Variants in SLC44A4 observed in about 807,000 individuals in gnomAD.
SLC44A4 encodes solute carrier family 44 member 4.
A neutral mutation model predicts 97.0 loss-of-function variants in SLC44A4; 74 were observed. That is an observed-to-expected ratio of 0.76 (90% CI 0.63 to 0.93). The LOEUF (loss-of-function observed/expected upper bound fraction) is 0.93, where lower values mean the gene tolerates loss of function less well. Among genes scored for constraint, SLC44A4 ranks in the 40% least tolerant of loss-of-function variants. SLC44A4 has a pLI of 0.00. For missense variants in SLC44A4, 799 were observed against 902.9 expected (o/e 0.88, Z 1.48); for synonymous variants, 325 against 363.8 (o/e 0.89, Z 1.21).
rs1763573117 is a variant in SLC44A4, at chr6:31,878,437, C to T, written c.40+504G>A. On this transcript the variant is annotated intron_variant, in intron 1 of 20. Transcript: ENST00000229729. The surrounding 1 kb of genome is among the most constrained non-coding windows in gnomAD (Gnocchi z 4.0). Reference sequence around the variant, plus strand: ...GGCCAGCCCACTCAGGGTCCCCTCACTCCTCAAGGGAGCCGGCAGACCACA... The same window carrying T: ...GGCCAGCCCACTCAGGGTCCCCTCATTCCTCAAGGGAGCCGGCAGACCACA... Among the ~76,000 whole-genome samples, 1 of 152,064 alleles carries T rather than the reference C, an allele frequency of 6.6e-6. No homozygotes were observed. The highest frequency in any genetic ancestry group is 1.5e-5 in the Non-Finnish European group (1 of 67,974).
rs192028929 is a variant in SLC44A4 at position 31,876,200 on chromosome 6, T to C, written c.90-71A>G. 6.2e-4 allele frequency: 805 copies of C among 1,294,664 alleles called. 3 individuals carry two copies. The African/African-American group carries it at 9.6e-3, about 15-fold the overall frequency. 80.2% of individuals were successfully genotyped at this position (1,294,664 alleles called of 1,614,324 possible). ...AGGTAGGGCTTATGGTCTGGAGGGG[T>C]TAAGGGTTAGAGAGTTGGGTGATGC... On this transcript the variant is annotated intron_variant, in intron 2 of 20. Coordinates refer to ENST00000229729, the MANE Select transcript of SLC44A4 (RefSeq NM_025257.3). This position sits in a 1 kb window ranked among gnomAD's most constrained non-coding sequence, Gnocchi z 4.8.
In SLC44A4 at chr6:31,876,076, T is replaced by A; in HGVS notation, c.143A>T (p.Tyr48Phe). 1 of 1,613,990 alleles carries A rather than the reference T, an allele frequency of 6.2e-7. No individual in the cohort carries two copies. Among genetic ancestry groups the A allele is most frequent in the Non-Finnish European group, 8.5e-7 (1 of 1,180,002 alleles). Residue 48 changes from tyrosine (Y) to phenylalanine (F), a missense_variant, in exon 3 of 21, where the codon TAC becomes TTC. Physicochemically the swap from Tyr to Phe is conservative, Grantham distance 22. This residue lies in a region of SLC44A4 where 409 missense variants were observed against 434.1 expected (regional missense o/e 0.94). Coordinates refer to ENST00000229729, the MANE Select transcript of SLC44A4 (RefSeq NM_025257.3). The surrounding 1 kb of genome is among the most constrained non-coding windows in gnomAD (Gnocchi z 4.8). ...CTCACCCACAATCCCCACCACGATG[T>A]AACCTAGAATGAAGAGCAGGAAGAG... ...CVLFLLFILG[Y>F]IVVGIVAWLY...
chr6:31,865,127 C>G lies in SLC44A4; in HGVS notation c.1761-47G>C. The G allele has an allele frequency of 6.2e-7, 1 of 1,603,652 alleles. No individual in the cohort carries two copies. Among genetic ancestry groups the G allele is most frequent in the Non-Finnish European group, 8.5e-7 (1 of 1,171,284 alleles). On this transcript the variant is annotated intron_variant, in intron 17 of 20. Transcript: ENST00000229729. The surrounding 1 kb of genome is among the most constrained non-coding windows in gnomAD (Gnocchi z 5.2). ...GTTGAGGGTGAGAGGCCTGGCAATG[C>G]TGAGAGTGAAATTGGCTTCGTAATT...
intron 4 of SLC44A4, 21 bp downstream of exon 4, chr6:31,875,831 T>G (rs1763409729): frequency 1.3e-6 from 2 of 1,589,616 alleles, no homozygotes; most frequent in Non-Finnish European, 1.7e-6. Flanking sequence ...CCTGCACTCC[T>G]CTTCTCGCCT....
chr6:31,875,432 G>A (rs1763391940), intron 4 of SLC44A4, among the ~76,000 whole-genome samples: 1 of 152,136 alleles, frequency 6.6e-6, no homozygotes, highest in Non-Finnish European at 1.5e-5. Context: ...AATATTTGAG[G>A]TTTTATTATT....
In SLC44A4 at chr6:31,865,780, G is replaced by C; in HGVS notation, c.1492C>G (p.His498Asp). ...GCTCCAAATGCCAATGACCCAGTGT[G>C]GTAACTGCAGAGGGTGTTATGCAGT... ...ISAFIRTLRY[H>D]TGSLAFGALI... Residue 498 changes from histidine (H) to aspartate (D), a missense_variant, in exon 15 of 21, where the codon CAC becomes GAC. Coordinates refer to ENST00000229729, the MANE Select transcript of SLC44A4 (RefSeq NM_025257.3). This position sits in a 1 kb window ranked among gnomAD's most constrained non-coding sequence, Gnocchi z 5.2. The C allele has an allele frequency of 6.2e-7, 1 of 1,613,848 alleles. No homozygotes were observed. The highest frequency in any genetic ancestry group is 8.5e-7 in the Non-Finnish European group (1 of 1,179,940).
At position 31,863,539 on chromosome 6, in the gene SLC44A4, A is replaced by G. The variant is rs1333924112; in HGVS notation, c.*88T>C. On this transcript the variant is annotated 3_prime_UTR_variant, in exon 21 of 21. Coordinates refer to ENST00000229729, the MANE Select transcript of SLC44A4 (RefSeq NM_025257.3). ...GGCGCCTGGCCTAAAACCTTTTTTT[A>G]CCACAAAATGGAGACCTGTAAGGCG... 26 of 1,505,186 alleles carry G rather than the reference A, an allele frequency of 1.7e-5. No individual in the cohort carries two copies. Among genetic ancestry groups the G allele is most frequent in the Non-Finnish European group, 1.9e-5 (21 of 1,129,574 alleles). The allele number at this position is 1,505,186 out of a possible 1,614,324, so 93.2% of individuals were successfully genotyped here.
At position 31,865,228 on chromosome 6, in the gene SLC44A4, C is replaced by T; in HGVS notation, c.1760+87G>A. 1.3e-6 allele frequency: 2 copies of T among 1,551,890 alleles called. No homozygotes were observed. Among genetic ancestry groups the T allele is most frequent in the South Asian group, 1.1e-5 (1 of 89,786 alleles). The stretch of plus-strand genomic sequence containing the variant: ...GCAGAGCACTAAACTAAGTCTAGGG[C>T]CCGACTGAGCACAGCACACCCACGA... On this transcript the variant is annotated intron_variant, in intron 17 of 20. Transcript: ENST00000229729. This position sits in a 1 kb window ranked among gnomAD's most constrained non-coding sequence, Gnocchi z 5.2.
At chr6:31,875,757 A>T (rs991881223) in intron 4 of SLC44A4, 95 bp downstream of exon 4, 27 of 1,121,496 alleles carry the variant, frequency 2.4e-5, no homozygotes, top group Non-Finnish European at 3.4e-5. Flanking sequence ...GCTGTGGAAG[A>T]GCACGGACAG....
In SLC44A4 at chr6:31,870,934, C is replaced by T; in HGVS notation, c.815G>A (p.Gly272Asp). 6.2e-7 allele frequency: 1 copy of T among 1,612,994 alleles called. No homozygotes were observed. The highest frequency in any genetic ancestry group is 1.1e-5 in the South Asian group (1 of 91,062). ...ILGVLGVLAYGIYYCWEEYRV... is the reference protein window; with the variant it reads ...ILGVLGVLAYDIYYCWEEYRV... Reference sequence around the variant, plus strand: ...GTACTCCTCCCAGCAGTAGTAGATGCCGTATGCCAGCACGCCCAGCACTCC... The same window carrying T: ...GTACTCCTCCCAGCAGTAGTAGATGTCGTATGCCAGCACGCCCAGCACTCC... The change falls in exon 10 of 21, where the codon GGC becomes GAC. Residue 272 changes from glycine (G) to aspartate (D), a missense_variant. This residue lies in a region of SLC44A4 where 409 missense variants were observed against 434.1 expected (regional missense o/e 0.94). Coordinates refer to ENST00000229729, the MANE Select transcript of SLC44A4 (RefSeq NM_025257.3).
In SLC44A4 at chr6:31,871,024, A is replaced by G. The variant is rs1230249410; in HGVS notation, c.725T>C (p.Leu242Ser). 6.2e-7 allele frequency: 1 copy of G among 1,610,312 alleles called. No individual in the cohort carries two copies. The highest frequency in any genetic ancestry group is 1.3e-5 in the African/African-American group (1 of 74,892). Residue 242 changes from leucine (L) to serine (S), a missense_variant, in exon 10 of 21, where the codon TTG (leucine) becomes TCG (serine). Coordinates refer to ENST00000229729, the MANE Select transcript of SLC44A4 (RefSeq NM_025257.3). ...CAGAAGCAAGATAAACAGTAGGCTC[A>G]AGACCAGAGCCACCCCCAGGGCACT... ...ILVALGVALV[L>S]SLLFILLLRL...
At chr6:31,875,688 C>G in intron 4 of SLC44A4, 164 bp downstream of exon 4, 1 of 647,562 alleles carries the variant, frequency 1.5e-6, no homozygotes, top group Non-Finnish European at 2.7e-6. Context: ...TGGTTCTTAA[C>G]GTGGCCTGGA....
Position 31,865,904 on chromosome 6 carries a change from G to A in SLC44A4, c.1456C>T (p.Pro486Ser). The stretch of plus-strand genomic sequence containing the variant: ...GTGCGGATGAAGGCAGAGATTAAGG[G>A]GAAGGTAGGGATGTCCTGGGGCTTG... ...FHKPQDIPTF[P>S]LISAFIRTLR... The change falls in exon 14 of 21, where the codon CCC (proline) becomes TCC (serine). Residue 486 changes from proline to serine, a missense_variant. By Grantham distance (74) the Pro-to-Ser change is moderately conservative. This residue lies in a region of SLC44A4 where 379 missense variants were observed against 438.3 expected (regional missense o/e 0.86). Transcript: ENST00000229729. This position sits in a 1 kb window ranked among gnomAD's most constrained non-coding sequence, Gnocchi z 5.2. The A allele has an allele frequency of 6.2e-7, 1 of 1,614,208 alleles. No individual in the cohort carries two copies. The highest frequency in any genetic ancestry group is 8.5e-7 in the Non-Finnish European group (1 of 1,180,048).
rs768291495 is a variant in SLC44A4 at position 31,864,873 on chromosome 6, C to CG, written c.1868dup (p.Leu625AlafsTer3). Reference sequence around the variant, plus strand: ...GGCTCTTAAAGTCTTTACCCAGCCCCGGGATGCGACCGGAGAAAAAAAAGA... The same window carrying CG: ...GGCTCTTAAAGTCTTTACCCAGCCCCGGGGATGCGACCGGAGAAAAAAAAGA... On this transcript the variant is annotated frameshift_variant, in exon 19 of 21. Transcript: ENST00000229729. LOFTEE classifies it high-confidence loss of function. The CG allele has an allele frequency of 5.3e-5, 86 of 1,614,012 alleles. No homozygotes were observed. The highest frequency in any genetic ancestry group is 7.1e-5 in the Non-Finnish European group (84 of 1,179,998).
In SLC44A4 at chr6:31,878,857, C is replaced by T. The variant is rs1016736840; in HGVS notation, c.40+84G>A. ...ACACAGTACTCTCCTTAGTTCCTCTCCCTGGAGCCAGCCCCAGACACCATT... is the reference window on the plus strand; with the variant it reads ...ACACAGTACTCTCCTTAGTTCCTCTTCCTGGAGCCAGCCCCAGACACCATT... On this transcript the variant is annotated intron_variant, in intron 1 of 20. Transcript: ENST00000229729. The surrounding 1 kb of genome is among the most constrained non-coding windows in gnomAD (Gnocchi z 4.0). 8 of 1,470,276 alleles carry T rather than the reference C, an allele frequency of 5.4e-6. No individual in the cohort carries two copies. The Admixed American group carries it at 1.3e-4, about 25-fold the overall frequency. 91.1% of individuals were successfully genotyped at this position (1,470,276 alleles called of 1,614,324 possible).
Position 31,865,564 on chromosome 6 carries a change from A to G in SLC44A4, c.1620T>C (p.Cys540=). Residue 540 remains cysteine, a synonymous_variant, in exon 16 of 21, where the codon TGT becomes TGC. Transcript: ENST00000229729. This position sits in a 1 kb window ranked among gnomAD's most constrained non-coding sequence, Gnocchi z 5.2. ...CCAGACACCAGAGGCAGCACTTGAAACAGCACATGATGCAGCGGGCTACAG... is the reference window on the plus strand; with the variant it reads ...CCAGACACCAGAGGCAGCACTTGAAGCAGCACATGATGCAGCGGGCTACAG... ...QNPVARCIMC[C]FKCCLWCLEK... is the part of the protein sequence containing the mutation. 6.3e-7 allele frequency: 1 copy of G among 1,599,030 alleles called. No homozygotes were observed. The highest frequency in any genetic ancestry group is 8.5e-7 in the Non-Finnish European group (1 of 1,169,668).
In SLC44A4 at chr6:31,878,941, C is replaced by G. The variant is rs776196883; in HGVS notation, c.40G>C (p.Gly14Arg). 6.2e-7 allele frequency: 1 copy of G among 1,613,586 alleles called. No homozygotes were observed. The highest frequency in any genetic ancestry group is 8.5e-7 in the Non-Finnish European group (1 of 1,179,736). The change falls in exon 1 of 21, where the codon GGG (glycine) becomes CGG (arginine). Residue 14 changes from glycine (G) to arginine (R), a missense_variant and splice_region_variant. By Grantham distance (125) the Gly-to-Arg change is moderately radical. Coordinates refer to ENST00000229729, the MANE Select transcript of SLC44A4 (RefSeq NM_025257.3). The surrounding 1 kb of genome is among the most constrained non-coding windows in gnomAD (Gnocchi z 4.0). ...GTCCCGGGCCTCGCCCCAGTCTCAC[C>G]GTAGGCCTCGTCATCCTCGTCCCGC... ...KQRDEDDEAY[G>R]KPVKYDPSFR...
rs201671902 is a variant in SLC44A4 at position 31,864,811 on chromosome 6, C to A, written c.1926+5G>T. ...GGTGGAGCAGCAGAGAGGGGAGTCA[C>A]TCACCATGATGGGCAGCCAGTAATA... On this transcript the variant is annotated splice_donor_5th_base_variant and intron_variant, in intron 19 of 20. Coordinates refer to ENST00000229729, the MANE Select transcript of SLC44A4 (RefSeq NM_025257.3). 4.0e-4 allele frequency: 639 copies of A among 1,613,996 alleles called. 1 individual carries two copies. The highest frequency in any genetic ancestry group is 2.2e-4 in the Non-Finnish European group (260 of 1,179,974).
At chr6:31,872,707 A>G (rs562067028) in intron 7 of SLC44A4, among the ~76,000 whole-genome samples, 8 of 152,146 alleles carry the variant, frequency 5.3e-5, no homozygotes, top group Non-Finnish European at 8.8e-5. Flanking sequence ...TGTCATTTAC[A>G]TTCTAAAGAT....
Sources: gnomAD v4.1 joint callset for allele counts (sites outside exome capture counted in the v4.1 genomes callset) on GRCh38, gnomAD v4.1.1 for gene constraint, gnomAD v4.1.1 regional missense constraint, Gnocchi (gnomAD v3.1) non-coding constraint, MANE v1.5 for transcripts, NCBI Gene and HGNC (gene_info 2026-07-23, HGNC 2026-07-21) for gene names.